The following SVOPL variants were observed in gnomAD, a reference collection of about 807,000 sequenced individuals.
SVOPL encodes SVOP like.
Under a neutral mutation model 61.0 loss-of-function variants are expected in SVOPL, and 60 were observed. The observed-to-expected ratio is 0.98, with a 90% CI of 0.80 to 1.22. The LOEUF (loss-of-function observed/expected upper bound fraction) is 1.22, where lower values mean the gene tolerates loss of function less well. Among genes scored for constraint, SVOPL ranks in the 50% most tolerant of loss-of-function variants. SVOPL has a pLI of 0.00. For synonymous variants in SVOPL, 279 were observed against 250.0 expected, an observed-to-expected ratio of 1.12 and a Z score of -1.09; for missense variants, 662 against 643.9, an observed-to-expected ratio of 1.03 and a Z score of -0.30.
At chr7:138,687,286 A>C (rs566554099) in intron 1 of SVOPL, among the ~76,000 whole-genome samples, 27 of 117,730 alleles carry the variant, frequency 2.3e-4, no homozygotes, top group Non-Finnish European at 3.7e-4. Context: ...CCTAGGCTGG[A>C]GTGCAATGGC....
chr7:138,610,160 A>G (rs952961628), intron 14 of SVOPL, among the ~76,000 whole-genome samples: 24 of 152,176 alleles, frequency 1.6e-4, no homozygotes, highest in African/African-American at 5.8e-4. Context: ...CCTATTTTTT[A>G]TATTTATGGA....
chr7:138,667,306 C>CA (rs1802290751), intron 4 of SVOPL, among the ~76,000 whole-genome samples: 1 of 152,106 alleles, frequency 6.6e-6, no homozygotes, highest in African/African-American at 2.4e-5. Context: ...GTCTTGAAAC[C>CA]CTTCAAGATG....
intron 1 of SVOPL, among the ~76,000 whole-genome samples, chr7:138,698,290 G>C (rs953513295): frequency 2.0e-5 from 3 of 152,146 alleles, no homozygotes; most frequent in African/African-American, 7.2e-5. Flanking sequence ...GGGAGAAATT[G>C]CTATTGCCTA....
chr7:138,603,532 T>G (rs1277436585), intron 14 of SVOPL, among the ~76,000 whole-genome samples: 2 of 152,052 alleles, frequency 1.3e-5, no homozygotes, highest in Non-Finnish European at 2.9e-5. Context: ...AATAAAAAAT[T>G]AGCTGGGCAT....
At chr7:138,658,845 A>T (rs1007442936) in intron 6 of SVOPL, among the ~76,000 whole-genome samples, 1 of 152,150 alleles carries the variant, frequency 6.6e-6, no homozygotes, top group Non-Finnish European at 1.5e-5. Context: ...TTAATGCTGT[A>T]AACTAGAAAT....
In SVOPL at chr7:138,621,084, A is replaced by T; in HGVS notation, c.1315T>A (p.Cys439Ser). 1 of 1,613,724 alleles carries T rather than the reference A, an allele frequency of 6.2e-7. No homozygotes were observed. The highest frequency in any genetic ancestry group is 1.1e-5 in the South Asian group (1 of 90,958). ...ALGMGTSGSL[C>S]RIGAMVAPFI... ...GGTGCCACCATTGCACCAATGCGAC[A>T]CAGGGAGCCGCTGGTTCCCATCCCC... Residue 439 changes from cysteine (C) to serine (S), a missense_variant, in exon 14 of 16, where the codon TGT (cysteine) becomes AGT (serine). Coordinates refer to ENST00000674285, the MANE Select transcript of SVOPL (RefSeq NM_001139456.2).
chr7:138,641,857 TAGTC>T (rs1800818493), intron 9 of SVOPL, among the ~76,000 whole-genome samples: 1 of 145,116 alleles, frequency 6.9e-6, no homozygotes, highest in African/African-American at 2.5e-5. Flanking sequence ...AACATATATA[TAGTC>T]AATGAGTGTG....
At chr7:138,629,100 T>C (rs531553929) in intron 10 of SVOPL, among the ~76,000 whole-genome samples, 42 of 149,918 alleles carry the variant, frequency 2.8e-4, no homozygotes, top group African/African-American at 9.5e-4. Flanking sequence ...AAAAATGATA[T>C]GTCTAATATA....
chr7:138,662,325 CTCTTT>C, intron 5 of SVOPL: 2 of 985,446 alleles, frequency 2.0e-6, no homozygotes, highest in South Asian at 4.7e-5. Flanking sequence ...ATTTGGACTT[CTCTTT>C]TCATTTGTGG....
At chr7:138,632,497 G>A (rs74367893) in intron 9 of SVOPL, among the ~76,000 whole-genome samples, 4,267 of 152,146 alleles carry the variant, frequency 0.028, 156 homozygotes, top group South Asian at 0.13. Flanking sequence ...GATGGGGGCC[G>A]CAAGCTGAAG....
chr7:138,648,640 G>A (rs1040618561), intron 8 of SVOPL, among the ~76,000 whole-genome samples: 20 of 151,684 alleles, frequency 1.3e-4, no homozygotes, highest in African/African-American at 4.6e-4. Flanking sequence ...CCCGGGAGGC[G>A]GAGCTTGCAG....
chr7:138,618,552 T>C (rs1344462363), intron 14 of SVOPL, among the ~76,000 whole-genome samples: 2 of 151,976 alleles, frequency 1.3e-5, no homozygotes, highest in Non-Finnish European at 2.9e-5. Flanking sequence ...TTCCAGCTAT[T>C]CGGGAGGCTA....
intron 9 of SVOPL, among the ~76,000 whole-genome samples, chr7:138,638,288 AAAAAAG>A (rs1800601274): frequency 6.6e-6 from 1 of 151,604 alleles, no homozygotes; most frequent in Non-Finnish European, 1.5e-5. Context: ...AAAAAAAAAA[AAAAAAG>A]TATAAAACCA....
Position 138,696,612 on chromosome 7 carries a change from T to C in SVOPL, c.-35+4566A>G, listed in dbSNP as rs191299597. Among the ~76,000 whole-genome samples, 25 of 152,144 alleles carry C rather than the reference T, an allele frequency of 1.6e-4. No homozygotes were observed. The East Asian group carries it at 4.6e-3, about 28-fold the overall frequency. ...TAATTTTTTGTATTTTTGGTAGAGA[T>C]GGGATTTCACCATGTTGGTCAGGCT... On this transcript the variant is annotated intron_variant, in intron 1 of 15. Coordinates refer to ENST00000674285, the MANE Select transcript of SVOPL (RefSeq NM_001139456.2).
chr7:138,625,506 A>G (rs1051955146), intron 13 of SVOPL, among the ~76,000 whole-genome samples: 3 of 152,212 alleles, frequency 2.0e-5, no homozygotes, highest in Non-Finnish European at 4.4e-5. Flanking sequence ...TACCTTGCAT[A>G]TAGATGTATT....
chr7:138,610,459 TATC>T (rs373878322), intron 14 of SVOPL, among the ~76,000 whole-genome samples: 25 of 152,350 alleles, frequency 1.6e-4, no homozygotes, highest in African/African-American at 6.0e-4. Context: ...TTATCTTTGT[TATC>T]ATTAAATGGT....
intron 4 of SVOPL, among the ~76,000 whole-genome samples, chr7:138,670,805 C>A (rs1035556740): frequency 6.6e-6 from 1 of 152,136 alleles, no homozygotes; most frequent in Non-Finnish European, 1.5e-5. Flanking sequence ...CATTGACCTT[C>A]TACCCTGCAG....
chr7:138,600,593 C>T (rs1016512518), intron 14 of SVOPL, among the ~76,000 whole-genome samples: 4 of 150,530 alleles, frequency 2.7e-5, no homozygotes, highest in African/African-American at 9.8e-5. Flanking sequence ...CAGAGCGAGA[C>T]AGTGTCTCAA....
chr7:138,645,862 G>A (rs577613743), intron 8 of SVOPL: 62 of 159,192 alleles, frequency 3.9e-4, no homozygotes, highest in Non-Finnish European at 7.1e-4. Context: ...TGTCGCCCAA[G>A]CTGAGTGCAG....
Sources: gnomAD v4.1 joint callset for allele counts (sites outside exome capture counted in the v4.1 genomes callset) on GRCh38, gnomAD v4.1.1 for gene constraint, MANE v1.5 for transcripts, NCBI Gene and HGNC (gene_info 2026-07-23, HGNC 2026-07-21) for gene names.